The following NUP98 variants were observed in gnomAD, a reference collection of about 807,000 sequenced individuals.
NUP98 encodes nuclear pore complex protein Nup98-Nup96.
A neutral mutation model predicts 191.9 loss-of-function variants in NUP98; 26 were observed. That is an observed-to-expected ratio of 0.14 (90% CI 0.10 to 0.19). The LOEUF (loss-of-function observed/expected upper bound fraction) is 0.19. NUP98 is among the 10% of genes least tolerant of loss of function. NUP98 has a pLI of 1.00. For synonymous variants in NUP98, 808 were observed against 778.4 expected (o/e 1.04, Z -0.63); for missense variants, 1,941 against 2,178.8 (o/e 0.89, Z 2.17).
chr11:3,731,324 ATAT>A, intron 14 of NUP98, 64 bp downstream of exon 14: 1 of 987,658 alleles, frequency 1.0e-6, no homozygotes, highest in South Asian at 2.7e-5. Flanking sequence ...AAATAATTGT[ATAT>A]TATTTCATAT....
chr11:3,699,053 C>T (rs766308855), intron 25 of NUP98, 29 bp downstream of exon 25: 8 of 1,607,332 alleles, frequency 5.0e-6, no homozygotes, highest in East Asian at 2.2e-5. Flanking sequence ...GCGACAGAGG[C>T]GCAGAGAAGG....
intron 11 of NUP98, 124 bp downstream of exon 11, chr11:3,753,192 A>G (rs2080829209): frequency 1.3e-5 from 10 of 797,544 alleles, no homozygotes; most frequent in Non-Finnish European, 2.1e-5. Context: ...TTATAAACGC[A>G]ACTGGAAAAA....
chr11:3,756,840 C>A (rs1312542264), intron 10 of NUP98, among the ~76,000 whole-genome samples: 2 of 151,318 alleles, frequency 1.3e-5, no homozygotes, highest in African/African-American at 4.9e-5. Flanking sequence ...GTAATCCCAA[C>A]CTTTTGGGAG....
intron 11 of NUP98, among the ~76,000 whole-genome samples, chr11:3,751,244 G>C (rs2134428735): frequency 6.6e-6 from 1 of 152,258 alleles, no homozygotes; most frequent in South Asian, 2.1e-4. Flanking sequence ...AGTAATCCCA[G>C]CTACTCGGGA....
intron 1 of NUP98, among the ~76,000 whole-genome samples, chr11:3,787,820 C>T (rs1462157287): frequency 6.6e-6 from 1 of 151,922 alleles, no homozygotes; most frequent in African/African-American, 2.4e-5. Context: ...GGTGAAACCC[C>T]GTCTCTACTG....
At chr11:3,776,099 G>T in intron 4 of NUP98, 78 bp from the exon 5 acceptor site, 1 of 1,083,566 alleles carries the variant, frequency 9.2e-7, no homozygotes, top group South Asian at 1.4e-5. Context: ...ATTGGGCTAT[G>T]GCACTAGCAT....
intron 5 of NUP98, among the ~76,000 whole-genome samples, chr11:3,775,115 C>T (rs1309844827): frequency 6.6e-6 from 1 of 152,200 alleles, no homozygotes; most frequent in Non-Finnish European, 1.5e-5. Flanking sequence ...AAAAAGAACA[C>T]ATACACAATA....
At chr11:3,792,106 GA>G (rs1249918414) in intron 1 of NUP98, among the ~76,000 whole-genome samples, 1 of 137,574 alleles carries the variant, frequency 7.3e-6, no homozygotes, top group Non-Finnish European at 1.5e-5. Flanking sequence ...GTGAACCCGG[GA>G]AGTGGAGCTT....
intron 8 of NUP98, among the ~76,000 whole-genome samples, chr11:3,763,658 C>G (rs1371500972): frequency 6.6e-6 from 1 of 152,138 alleles, no homozygotes; most frequent in Non-Finnish European, 1.5e-5. Flanking sequence ...AAGTGATTCT[C>G]TCGCCTCAGC....
At chr11:3,772,401 A>C (rs1405500996) in intron 6 of NUP98, among the ~76,000 whole-genome samples, 1 of 152,246 alleles carries the variant, frequency 6.6e-6, no homozygotes, top group East Asian at 1.9e-4. Context: ...AGAAGCAATC[A>C]CTATAATCAT....
chr11:3,782,000 A>AGATT (rs762117659), intron 2 of NUP98, 42 bp downstream of exon 2: 2 of 1,326,754 alleles, frequency 1.5e-6, no homozygotes, highest in South Asian at 2.4e-5. Flanking sequence ...TTAGTAAGGG[A>AGATT]GATTAAGGTT....
intron 12 of NUP98, among the ~76,000 whole-genome samples, chr11:3,738,441 G>T (rs1255363170): frequency 6.6e-6 from 1 of 152,164 alleles, no homozygotes; most frequent in Admixed American, 6.5e-5. Flanking sequence ...TGAAACACAA[G>T]AATCTGATGA....
At chr11:3,740,827 T>A (rs1485659682) in intron 12 of NUP98, among the ~76,000 whole-genome samples, 1 of 150,730 alleles carries the variant, frequency 6.6e-6, no homozygotes, top group Non-Finnish European at 1.5e-5. Flanking sequence ...TATATATATT[T>A]TTTTTTTTGG....
intron 30 of NUP98, among the ~76,000 whole-genome samples, chr11:3,680,154 G>A (rs1405073204): frequency 1.3e-5 from 2 of 152,200 alleles, no homozygotes. Context: ...GGTTGTGATG[G>A]CTATGCTAAT....
In NUP98 at chr11:3,785,548, CAA is replaced by C. The variant is rs536111594; in HGVS notation, c.-28-3405_-28-3404del. On this transcript the variant is annotated intron_variant, in intron 1 of 32. Transcript: ENST00000324932. ...CCAAGGTGGGCAGATCACTTGAGGC[CAA>C]GAGTTTGAGACCAGCTTGGCCAACA... 2.2e-3 allele frequency among the ~76,000 whole-genome samples: 329 copies of C among 152,236 alleles called. 3 individuals carry two copies. Among genetic ancestry groups the C allele is most frequent in the African/African-American group, 7.4e-3 (309 of 41,536 alleles).
At chr11:3,677,966 G>T (rs561189252) in intron 31 of NUP98, among the ~76,000 whole-genome samples, 1 of 130,664 alleles carries the variant, frequency 7.7e-6, no homozygotes, top group Non-Finnish European at 1.7e-5. Context: ...GTGAAACCCC[G>T]TCTCTACTAA....
intron 16 of NUP98, among the ~76,000 whole-genome samples, chr11:3,722,468 T>A (rs966918602): frequency 1.4e-4 from 21 of 151,714 alleles, no homozygotes; most frequent in Admixed American, 9.2e-4. Flanking sequence ...CAAATATATA[T>A]ATATATATAA....
At chr11:3,754,042 G>T (rs897211998) in intron 10 of NUP98, among the ~76,000 whole-genome samples, 5 of 152,098 alleles carry the variant, frequency 3.3e-5, no homozygotes, top group Non-Finnish European at 1.5e-5. Flanking sequence ...CTTGAGCTTT[G>T]GGAACATTGC....
intron 7 of NUP98, among the ~76,000 whole-genome samples, chr11:3,771,383 G>T (rs559304379): frequency 5.3e-5 from 8 of 152,084 alleles, no homozygotes; most frequent in Admixed American, 5.2e-4. Context: ...ATAAAATATG[G>T]CCCCTATATC....
Sources: gnomAD v4.1 joint callset for allele counts (sites outside exome capture counted in the v4.1 genomes callset) on GRCh38, gnomAD v4.1.1 for gene constraint, MANE v1.5 for transcripts, NCBI Gene and HGNC (gene_info 2026-07-23, HGNC 2026-07-21) for gene names.